The following FUBP1 variants were observed in gnomAD, a reference collection of about 807,000 sequenced individuals.
The protein encoded by FUBP1 is far upstream element binding protein 1.
In FUBP1, 16 loss-of-function variants were observed where a neutral mutation model predicts 94.9. The ratio of observed to expected loss-of-function variants is 0.17; its 90% confidence interval spans 0.11 to 0.26. The LOEUF is 0.26. Among genes scored for constraint, FUBP1 ranks in the 10% least tolerant of loss-of-function variants. The probability of loss-of-function intolerance (pLI) is 1.00; values close to 1 mark genes in which losing one functional copy is unlikely to be tolerated. For missense variants in FUBP1, 583 were observed against 808.6 expected (o/e 0.72, Z 3.38); for synonymous variants, 279 against 254.9 (o/e 1.09, Z -0.90).
chr1:77,979,262 C>G (rs181897570), upstream of FUBP1: 3 of 455,664 alleles, frequency 6.6e-6, no homozygotes, highest in Admixed American at 7.4e-5. Context: ...AACAGAATTT[C>G]TTTTGGCACC....
intron 18 of FUBP1, among the ~76,000 whole-genome samples, chr1:77,953,101 T>C (rs1653809215): frequency 6.6e-6 from 1 of 150,980 alleles, no homozygotes; most frequent in African/African-American, 2.4e-5. Flanking sequence ...GCACCATTGC[T>C]TGGGGAGTAA....
chr1:77,978,797 T>C, intron 1 of FUBP1, 88 bp downstream of exon 1: 1 of 1,493,832 alleles, frequency 6.7e-7, no homozygotes, highest in Admixed American at 1.7e-5. Context: ...CTCTTTCCTC[T>C]TCCTCATGCG....
chr1:77,963,547 A>C (rs373518329), intron 13 of FUBP1, 27 bp downstream of exon 13: 4 of 1,378,122 alleles, frequency 2.9e-6, no homozygotes, highest in Non-Finnish European at 4.1e-6. Context: ...TAATGTGTTA[A>C]AACATTAAGA....
intron 13 of FUBP1, among the ~76,000 whole-genome samples, chr1:77,963,346 T>C (rs966777163): frequency 6.6e-6 from 1 of 152,218 alleles, no homozygotes; most frequent in African/African-American, 2.4e-5. Context: ...CTAATAATTA[T>C]CTCTTAGTTC....
At chr1:77,954,395 G>A (rs867808356) in intron 18 of FUBP1, among the ~76,000 whole-genome samples, 1 of 152,060 alleles carries the variant, frequency 6.6e-6, no homozygotes, top group Non-Finnish European at 1.5e-5. Flanking sequence ...AGAAAGAGAC[G>A]GAACATGACT....
intron 2 of FUBP1, among the ~76,000 whole-genome samples, chr1:77,969,537 G>GA (rs1325031874): frequency 6.6e-6 from 1 of 151,938 alleles, no homozygotes; most frequent in Non-Finnish European, 1.5e-5. Flanking sequence ...ATTGGAAATA[G>GA]AAAAATGACG....
chr1:77,960,924 T>G (rs1655348337), intron 14 of FUBP1: 2 of 159,840 alleles, frequency 1.3e-5, no homozygotes, highest in African/African-American at 4.8e-5. Context: ...CCAAACCGCT[T>G]GGGTCCTGTA....
chr1:77,970,105 G>A, intron 1 of FUBP1, 90 bp from the exon 2 acceptor site: 2 of 557,974 alleles, frequency 3.6e-6, no homozygotes, highest in South Asian at 7.0e-5. Context: ...ACATGTATAT[G>A]TGAAATATTT....
Position 77,966,705 on chromosome 1 carries a change from A to T in FUBP1, c.462T>A (p.Pro154=). 6.6e-7 allele frequency: 1 copy of T among 1,526,306 alleles called. No homozygotes were observed. The highest frequency in any genetic ancestry group is 9.1e-7 in the Non-Finnish European group (1 of 1,100,280). 94.5% of individuals were successfully genotyped at this position (1,526,306 alleles called of 1,614,324 possible). ...TTTTTCAAACTTACTGGACAGATTC[A>T]GGTGTTCCAGTTAACATACAGGACC... The part of the protein sequence containing the change: ...PERSCMLTGT[P]ESVQSAKRLL... The change falls in exon 7 of 20, where the codon CCT becomes CCA. Residue 154 remains proline (P), a synonymous_variant. Transcript: ENST00000370768.
chr1:77,972,237 A>G (rs961083526), intron 1 of FUBP1, among the ~76,000 whole-genome samples: 2 of 152,148 alleles, frequency 1.3e-5, no homozygotes, highest in Admixed American at 1.3e-4. Context: ...ACAGGCACTA[A>G]TAGTAGAAGG....
chr1:77,974,000 T>C (rs1658101892), intron 1 of FUBP1, among the ~76,000 whole-genome samples: 1 of 152,134 alleles, frequency 6.6e-6, no homozygotes, highest in African/African-American at 2.4e-5. Flanking sequence ...ATGGCTCACT[T>C]ATGCAACTAC....
In FUBP1 at chr1:77,944,663, T is replaced by C. The variant is rs779511149; in HGVS notation, c.*4103A>G. On this transcript the variant is annotated 3_prime_UTR_variant, in exon 20 of 20. Transcript: ENST00000370768. ...AGTACAGCTGATTTTACTGGCAGAG[T>C]ATTCAAACAAATAAAATGCTATCAC... is the stretch of plus-strand genomic sequence containing the variant. Among the ~76,000 whole-genome samples, 11 of 151,926 alleles carry C rather than the reference T, an allele frequency of 7.2e-5. No individual in the cohort carries two copies. Among genetic ancestry groups the C allele is most frequent in the Non-Finnish European group, 1.0e-4 (7 of 67,848 alleles).
chr1:77,960,316 A>T, intron 15 of FUBP1, 28 bp downstream of exon 15: 1 of 1,613,098 alleles, frequency 6.2e-7, no homozygotes, highest in Non-Finnish European at 8.5e-7. Context: ...ATCTTTGGGG[A>T]AAGCCCAGAA....
intron 18 of FUBP1, among the ~76,000 whole-genome samples, chr1:77,950,029 A>C (rs1653082608): frequency 6.6e-6 from 1 of 152,266 alleles, no homozygotes; most frequent in Non-Finnish European, 1.5e-5. Flanking sequence ...TTAAGAGATT[A>C]AAGAAATATA....
At chr1:77,950,402 C>T (rs1199375458) in intron 18 of FUBP1, among the ~76,000 whole-genome samples, 1 of 152,176 alleles carries the variant, frequency 6.6e-6, no homozygotes, top group African/African-American at 2.4e-5. Context: ...TCAAGTGATC[C>T]ACCTGCCTTG....
chr1:77,964,822 A>G lies in FUBP1; in HGVS notation c.735+48T>C, dbSNP rs781026610. The stretch of plus-strand genomic sequence containing the variant: ...TAATTATTCATGCATATTTTGCCCA[A>G]CCCCATTCAACCCACTCTTTCTTTA... On this transcript the variant is annotated intron_variant, in intron 9 of 19. Transcript: ENST00000370768. 71 of 1,487,464 alleles carry G rather than the reference A, an allele frequency of 4.8e-5. 1 individual carries two copies. In the South Asian group the frequency reaches 7.7e-4, roughly 16 times the overall value. The allele number at this position is 1,487,464 out of a possible 1,614,324, so 92.1% of individuals were successfully genotyped here.
chr1:77,963,675 C>T lies in FUBP1; in HGVS notation c.1082G>A (p.Arg361Lys). ...PGGPGPGGRGRGRGQGNWNMG... is the reference protein window; with the variant it reads ...PGGPGPGGRGKGRGQGNWNMG... ...GTTCCAGTTGCCTTGACCTCTACCTCTTCCTCGACCACCAGGTCCAGGTCC... is the reference window on the plus strand; with the variant it reads ...GTTCCAGTTGCCTTGACCTCTACCTTTTCCTCGACCACCAGGTCCAGGTCC... Residue 361 changes from arginine (R) to lysine (K), a missense_variant, in exon 13 of 20, where the codon AGA becomes AAA. Coordinates refer to ENST00000370768, the MANE Select transcript of FUBP1 (RefSeq NM_003902.5). The T allele has an allele frequency of 6.2e-7, 1 of 1,611,632 alleles. No individual in the cohort carries two copies. Among genetic ancestry groups the T allele is most frequent in the South Asian group, 1.1e-5 (1 of 91,012 alleles).
At chr1:77,957,304 T>G (rs551726955) in intron 16 of FUBP1, among the ~76,000 whole-genome samples, 4 of 152,314 alleles carry the variant, frequency 2.6e-5, no homozygotes, top group African/African-American at 9.6e-5. Flanking sequence ...TCATTCAACA[T>G]CTTTAACAGC....
chr1:77,971,142 G>A (rs989972220), intron 1 of FUBP1, among the ~76,000 whole-genome samples: 4 of 152,038 alleles, frequency 2.6e-5, no homozygotes, highest in African/African-American at 9.7e-5. Context: ...AAGGACAACC[G>A]AAGTAGTTCC....
Sources: allele counts gnomAD v4.1 joint callset (sites outside exome capture counted in the v4.1 genomes callset), GRCh38; gene constraint gnomAD v4.1.1; transcripts MANE v1.5; gene names NCBI Gene and HGNC (gene_info 2026-07-23, HGNC 2026-07-21).